Variants in GALK2 observed in about 807,000 individuals in gnomAD.
GALK2 encodes the protein galactokinase 2.
Under a neutral mutation model 52.4 loss-of-function variants are expected in GALK2, and 36 were observed. The ratio of observed to expected loss-of-function variants is 0.69; its 90% confidence interval spans 0.53 to 0.91. The LOEUF (loss-of-function observed/expected upper bound fraction) is 0.91. Among genes scored for constraint, GALK2 ranks in the 40% least tolerant of loss-of-function variants. The pLI is 0.00. For synonymous variants in GALK2, 176 were observed against 199.1 expected, an observed-to-expected ratio of 0.88 and a Z score of 0.98; for missense variants, 579 against 559.1, an observed-to-expected ratio of 1.04 and a Z score of -0.36.
intron 1 of GALK2, among the ~76,000 whole-genome samples, chr15:49,196,902 C>T (rs2087282517): frequency 6.6e-6 from 1 of 152,250 alleles, no homozygotes; most frequent in East Asian, 1.9e-4. Context: ...CCAGCCTGGG[C>T]AACATAGTGA....
At chr15:49,162,490 T>C (rs1211445917) in intron 1 of GALK2, among the ~76,000 whole-genome samples, 1 of 152,248 alleles carries the variant, frequency 6.6e-6, no homozygotes, top group Non-Finnish European at 1.5e-5. Flanking sequence ...TTTGTTTCTC[T>C]TGGGTAATTT....
intron 1 of GALK2, among the ~76,000 whole-genome samples, chr15:49,182,418 C>G (rs1016822182): frequency 6.6e-6 from 1 of 152,194 alleles, no homozygotes; most frequent in Non-Finnish European, 1.5e-5. Context: ...AGGTTGCCTC[C>G]AAATCTTGGC....
intron 5 of GALK2, among the ~76,000 whole-genome samples, chr15:49,258,827 T>TGA (rs1463410633): frequency 0.026 from 3,157 of 123,222 alleles, 51 homozygotes; most frequent in Non-Finnish European, 0.04. Context: ...TGTGTGTGTG[T>TGA]GTGAGAGAGA....
At chr15:49,222,069 T>C (rs1018140883) in intron 3 of GALK2, among the ~76,000 whole-genome samples, 1 of 152,200 alleles carries the variant, frequency 6.6e-6, no homozygotes, top group Non-Finnish European at 1.5e-5. Flanking sequence ...TTGTGTCCTC[T>C]TCAATTTCAT....
chr15:49,293,001 A>G (rs951838160), intron 8 of GALK2, among the ~76,000 whole-genome samples: 2 of 152,144 alleles, frequency 1.3e-5, no homozygotes, highest in African/African-American at 4.8e-5. Flanking sequence ...TTTTATACCA[A>G]TAACATCAGA....
intron 3 of GALK2, among the ~76,000 whole-genome samples, chr15:49,220,898 T>C (rs1270569390): frequency 1.3e-5 from 2 of 152,190 alleles, no homozygotes; most frequent in African/African-American, 4.8e-5. Context: ...AAATGTCTCT[T>C]CATGTTATTT....
intron 5 of GALK2, among the ~76,000 whole-genome samples, chr15:49,252,672 T>C (rs1298178830): frequency 6.8e-6 from 1 of 146,382 alleles, no homozygotes; most frequent in Non-Finnish European, 1.5e-5. Flanking sequence ...TTCATACTTA[T>C]TCACTTTTTT....
intron 3 of GALK2, among the ~76,000 whole-genome samples, chr15:49,337,987 T>C (rs2040051195): frequency 6.6e-6 from 1 of 152,206 alleles, no homozygotes. Context: ...GTCTTTATAG[T>C]AGAATGATTT....
intron 3 of GALK2, among the ~76,000 whole-genome samples, chr15:49,355,299 G>C (rs918134105): frequency 6.6e-6 from 1 of 152,140 alleles, no homozygotes; most frequent in Non-Finnish European, 1.5e-5. Context: ...TCTGAGCTAC[G>C]GGAGGACATT....
intron 3 of GALK2, among the ~76,000 whole-genome samples, chr15:49,358,009 C>A (rs1476908411): frequency 3.9e-5 from 6 of 151,940 alleles, no homozygotes; most frequent in Non-Finnish European, 8.8e-5. Context: ...TCAATAGATG[C>A]AGAAAAAGCC....
At chr15:49,192,511 A>G (rs913936105) in intron 1 of GALK2, among the ~76,000 whole-genome samples, 1 of 139,168 alleles carries the variant, frequency 7.2e-6, no homozygotes, top group African/African-American at 2.7e-5. Context: ...ATATATATAT[A>G]TATATATATA....
chr15:49,284,039 A>G (rs1283194132), intron 7 of GALK2, among the ~76,000 whole-genome samples: 2 of 152,272 alleles, frequency 1.3e-5, no homozygotes, highest in African/African-American at 4.8e-5. Context: ...TGTTTCCTCA[A>G]CAAAAGTGAT....
intron 1 of GALK2, among the ~76,000 whole-genome samples, chr15:49,161,287 C>G (rs1406079254): frequency 6.6e-6 from 1 of 152,168 alleles, no homozygotes; most frequent in Non-Finnish European, 1.5e-5. Flanking sequence ...TGGAAATTTA[C>G]TAACAGCAGT....
chr15:49,285,230 C>T (rs969710387), intron 7 of GALK2, among the ~76,000 whole-genome samples: 3 of 152,152 alleles, frequency 2.0e-5, no homozygotes, highest in Admixed American at 1.3e-4. Flanking sequence ...TCTTATCTTT[C>T]AACAGAGTTA....
At chr15:49,171,930 C>T (rs1375903251) in intron 1 of GALK2, among the ~76,000 whole-genome samples, 2 of 152,226 alleles carry the variant, frequency 1.3e-5, no homozygotes, top group African/African-American at 4.8e-5. Flanking sequence ...CGCCACCACG[C>T]CCCGTTATTT....
At chr15:49,303,170 AC>A (rs2035255579) in intron 8 of GALK2, among the ~76,000 whole-genome samples, 1 of 152,174 alleles carries the variant, frequency 6.6e-6, no homozygotes, top group Non-Finnish European at 1.5e-5. Flanking sequence ...AAATGGGCTT[AC>A]CTGATATCGC....
intron 7 of GALK2, among the ~76,000 whole-genome samples, chr15:49,287,319 A>G (rs2033477105): frequency 1.3e-5 from 2 of 152,322 alleles, no homozygotes; most frequent in South Asian, 2.1e-4. Context: ...TAAAATGTGG[A>G]AGAAAGAAAA....
chr15:49,309,078 T>C (rs1014029491), intron 8 of GALK2, among the ~76,000 whole-genome samples: 4 of 152,216 alleles, frequency 2.6e-5, no homozygotes, highest in African/African-American at 9.6e-5. Context: ...CACTTGTTTA[T>C]GGCTGGGGCT....
chr15:49,261,779 G>C (rs973770899), intron 5 of GALK2, among the ~76,000 whole-genome samples: 9 of 152,168 alleles, frequency 5.9e-5, no homozygotes, highest in South Asian at 2.1e-4. Context: ...TAGCATGAAG[G>C]GTTGTTGAAT....
Sources: allele counts gnomAD v4.1 joint callset (sites outside exome capture counted in the v4.1 genomes callset), GRCh38; gene constraint gnomAD v4.1.1; transcripts MANE v1.5; gene names NCBI Gene and HGNC (gene_info 2026-07-23, HGNC 2026-07-21).